Variants in SMS observed in about 807,000 individuals in gnomAD.
SMS encodes spermidine aminopropyltransferase.
A neutral mutation model predicts 33.0 loss-of-function variants in SMS; 3 were observed. The observed-to-expected ratio is 0.09, with a 90% CI of 0.04 to 0.23. The LOEUF (loss-of-function observed/expected upper bound fraction) is 0.23, where lower values mean the gene tolerates loss of function less well. Among genes scored for constraint, SMS ranks in the 10% least tolerant of loss-of-function variants. The probability of loss-of-function intolerance (pLI) is 1.00; values close to 1 mark genes in which losing one functional copy is unlikely to be tolerated. For missense variants in SMS, 117 were observed against 288.6 expected, an observed-to-expected ratio of 0.41 and a Z score of 4.31; for synonymous variants, 103 against 112.2, an observed-to-expected ratio of 0.92 and a Z score of 0.52.
chrX:21,973,129 A>C (rs745459923), intron 4 of SMS, among the ~76,000 whole-genome samples: 6 of 111,434 alleles, frequency 5.4e-5, no homozygotes, highest in Non-Finnish European at 9.4e-5. Flanking sequence ...CTAAGGCAGA[A>C]AGGGGATATG....
intron 2 of SMS, among the ~76,000 whole-genome samples, chrX:21,967,740 CAGTG>C (rs758741418): frequency 2.7e-5 from 3 of 112,189 alleles, no homozygotes; most frequent in Non-Finnish European, 3.8e-5. Context: ...TGTGCAGACT[CAGTG>C]AGGCCTCCTG....
intron 3 of SMS, 45 bp downstream of exon 3, chrX:21,972,035 A>G: frequency 2.3e-6 from 2 of 851,795 alleles, no homozygotes; most frequent in Non-Finnish European, 3.5e-6. Flanking sequence ...GGATCATAGT[A>G]TCTGCTTAGC....
At chrX:21,982,903 T>G (rs1485175474) in intron 7 of SMS, among the ~76,000 whole-genome samples, 1 of 112,449 alleles carries the variant, frequency 8.9e-6, no homozygotes, top group East Asian at 2.8e-4. Flanking sequence ...GTTGGACTTG[T>G]ATGATGCATT....
chrX:21,982,242 G>A (rs1432608746), intron 7 of SMS, among the ~76,000 whole-genome samples: 1 of 107,337 alleles, frequency 9.3e-6, no homozygotes, highest in Non-Finnish European at 1.9e-5. Flanking sequence ...GGAGGCTGAG[G>A]CAGGAGAATG....
intron 1 of SMS, among the ~76,000 whole-genome samples, chrX:21,947,372 G>C (rs181837576): frequency 9.0e-6 from 1 of 111,434 alleles, no homozygotes; most frequent in Admixed American, 9.5e-5. Flanking sequence ...GTGGAGGGGG[G>C]TGAGTTCCTG....
At chrX:21,967,585 C>T (rs1923827666) in intron 2 of SMS, among the ~76,000 whole-genome samples, 1 of 111,469 alleles carries the variant, frequency 9.0e-6, no homozygotes. Flanking sequence ...AGACTGATGC[C>T]CAGAGTGGGC....
At position 21,948,439 on chromosome X, in the gene SMS, C is replaced by CTTTTTTTTTT. The variant is rs59082770; in HGVS notation, c.49+7574_49+7583dup. Among the ~76,000 whole-genome samples the CTTTTTTTTTT allele has an allele frequency of 8.1e-3, 653 of 80,141 alleles. 21 individuals are homozygous for CTTTTTTTTTT. The highest frequency in any genetic ancestry group is 0.03 in the African/African-American group (576 of 18,969). The allele number at this position is 80,141 out of a possible 115,157, so 69.6% of individuals were successfully genotyped here. A position where few individuals can be genotyped will look rare whatever the true frequency, so the allele number is the denominator to read the frequency against. ...AATAACCAGTAGTCAGTCAATGTGT[C>CTTTTTTTTTT]TTTTTTTTTTTTTTTTTAAGAAAGT... On this transcript the variant is annotated intron_variant, in intron 1 of 10. Coordinates refer to ENST00000404933, the MANE Select transcript of SMS (RefSeq NM_004595.5).
intron 1 of SMS, among the ~76,000 whole-genome samples, chrX:21,957,368 C>T (rs7055676): frequency 0.44 from 47,970 of 108,432 alleles, 9,292 homozygotes; most frequent in African/African-American, 0.74. Context: ...ACCGTCTCGG[C>T]TCACTGCAAC....
chrX:21,965,784 A>T (rs907130389), intron 1 of SMS, among the ~76,000 whole-genome samples: 2 of 107,705 alleles, frequency 1.9e-5, no homozygotes, highest in African/African-American at 6.8e-5. Context: ...ATAAATAAAT[A>T]AAAAAAAACA....
At chrX:21,956,677 T>C (rs1281550877) in intron 1 of SMS, among the ~76,000 whole-genome samples, 1 of 110,900 alleles carries the variant, frequency 9.0e-6, no homozygotes, top group Non-Finnish European at 1.9e-5. Context: ...ATCATGTTGC[T>C]CAGGCTGGTC....
intron 1 of SMS, among the ~76,000 whole-genome samples, chrX:21,960,159 C>T (rs1047454148): frequency 9.0e-6 from 1 of 110,774 alleles, no homozygotes; most frequent in Non-Finnish European, 1.9e-5. Context: ...GCTGGAGGTT[C>T]GGCTTTGGGT....
chrX:21,949,505 T>A (rs145297883), intron 1 of SMS, among the ~76,000 whole-genome samples: 2,096 of 112,153 alleles, frequency 0.019, 43 homozygotes, highest in African/African-American at 0.065. Flanking sequence ...AAGGTTGGTC[T>A]ACTTTATTTA....
At chrX:21,986,292 G>C (rs1388455213) in intron 9 of SMS, among the ~76,000 whole-genome samples, 1 of 96,413 alleles carries the variant, frequency 1.0e-5, no homozygotes, top group East Asian at 3.3e-4. Flanking sequence ...AGGTTGCAGT[G>C]AGCCGAGATT....
chrX:21,968,969 G>A (rs146412426), intron 2 of SMS, among the ~76,000 whole-genome samples: 1,822 of 111,279 alleles, frequency 0.016, 42 homozygotes, highest in African/African-American at 0.056. Flanking sequence ...GGGTATTTTC[G>A]ATGGCTTTTA....
chrX:21,981,885 G>T (rs1474698379), intron 7 of SMS, among the ~76,000 whole-genome samples: 2 of 108,479 alleles, frequency 1.8e-5, no homozygotes, highest in African/African-American at 3.3e-5. Flanking sequence ...CCAAAAGTCA[G>T]ACTAGAAGAA....
Position 21,972,442 on chromosome X carries a change from G to T in SMS, c.265-65G>T, listed in dbSNP as rs1924234255. ...CTGTCAACATGGCCTCAGTCGTTGG[G>T]TCTGTAATTTAGTTCTTCCATGCAG... On this transcript the variant is annotated intron_variant, in intron 3 of 10. Coordinates refer to ENST00000404933, the MANE Select transcript of SMS (RefSeq NM_004595.5). 4 of 731,835 alleles carry T rather than the reference G, an allele frequency of 5.5e-6. No individual in the cohort carries two copies. The East Asian group carries it at 1.3e-4, about 24-fold the overall frequency. The allele number at this position is 731,835 out of a possible 1,213,427, so 60.3% of individuals were successfully genotyped here.
Position 21,977,949 on chromosome X carries a change from C to T in SMS, c.506-11C>T, listed in dbSNP as rs1602211244. The T allele has an allele frequency of 8.3e-7, 1 of 1,209,758 alleles. No individual in the cohort carries two copies. Among genetic ancestry groups the T allele is most frequent in the South Asian group, 1.8e-5 (1 of 56,942 alleles). On this transcript the variant is annotated splice_polypyrimidine_tract_variant and intron_variant, in intron 5 of 10. Coordinates refer to ENST00000404933, the MANE Select transcript of SMS (RefSeq NM_004595.5). ...GTAGACTCACCATTTGGATCTGTTT[C>T]TCCTCCCTAGATTTGGCAGAGAGTG...
At chrX:21,993,498 C>G (rs991684471) in intron 10 of SMS, among the ~76,000 whole-genome samples, 2 of 112,695 alleles carry the variant, frequency 1.8e-5, no homozygotes, top group Non-Finnish European at 3.8e-5. Flanking sequence ...GTTCCTGTGA[C>G]GGCAGGGTTT....
At chrX:21,978,323 C>A (rs1046322466) in intron 6 of SMS, among the ~76,000 whole-genome samples, 8 of 111,690 alleles carry the variant, frequency 7.2e-5, no homozygotes, top group African/African-American at 2.6e-4. Context: ...GCCTGTAATC[C>A]TAGCACTTTG....
Sources: allele counts gnomAD v4.1 joint callset (sites outside exome capture counted in the v4.1 genomes callset), GRCh38; gene constraint gnomAD v4.1.1; transcripts MANE v1.5; gene names NCBI Gene and HGNC (gene_info 2026-07-23, HGNC 2026-07-21).